Variants in NUP188 observed in about 807,000 individuals in gnomAD.
The protein encoded by NUP188 is nucleoporin NUP188.
A neutral mutation model predicts 223.0 loss-of-function variants in NUP188; 97 were observed. The ratio of observed to expected loss-of-function variants is 0.43; its 90% confidence interval spans 0.37 to 0.51. The LOEUF (loss-of-function observed/expected upper bound fraction) is 0.51, where lower values mean the gene tolerates loss of function less well. NUP188 is among the 20% of genes least tolerant of loss of function. The pLI is 0.00. For synonymous variants in NUP188, 869 were observed against 828.0 expected (o/e 1.05, Z -0.85); for missense variants, 1,947 against 2,175.6 (o/e 0.89, Z 2.09).
intron 7 of NUP188, 58 bp from the exon 8 acceptor site, chr9:128,958,957 T>A (rs1216459350): frequency 7.1e-7 from 1 of 1,408,306 alleles, no homozygotes; most frequent in Non-Finnish European, 9.6e-7. Context: ...TTTATTAATA[T>A]TTATTTGAAT....
intron 4 of NUP188, 36 bp from the exon 5 acceptor site, chr9:128,956,916 C>G (rs1841879046): frequency 8.9e-6 from 13 of 1,465,704 alleles, no homozygotes; most frequent in Non-Finnish European, 1.1e-5. Flanking sequence ...TGTGCGATTT[C>G]TGAGCTGTTC....
In NUP188 at chr9:128,982,945, C is replaced by T. The variant is rs151100462; in HGVS notation, c.1713C>T (p.Leu571=). The change falls in exon 17 of 44, where the codon CTC becomes CTT. Residue 571 remains leucine (L), a synonymous_variant. Transcript: ENST00000372577. The part of the protein sequence containing the change: ...HCQRVKPIID[L]VHKVISTDLS... ...AGCGAGTCAAACCCATCATTGATCT[C>T]GTCCATAAGGTCATCAGTACAGACC... 39 of 1,614,146 alleles carry T rather than the reference C, an allele frequency of 2.4e-5. No individual in the cohort carries two copies. Among genetic ancestry groups the T allele is most frequent in the Middle Eastern group, 1.6e-4 (1 of 6,062 alleles).
intron 8 of NUP188, among the ~76,000 whole-genome samples, chr9:128,966,128 CGTGTGT>C (rs34851120): frequency 0.06 from 8,263 of 136,660 alleles, 289 homozygotes; most frequent in African/African-American, 0.12. Flanking sequence ...TTTCTGCCTC[CGTGTGT>C]GTGTGTGTGT....
chr9:128,964,133 C>T, intron 8 of NUP188: 1 of 218,702 alleles, frequency 4.6e-6, no homozygotes, highest in Non-Finnish European at 9.3e-6. Flanking sequence ...TTTTAATTTG[C>T]ATTTCCCTGA....
intron 2 of NUP188, among the ~76,000 whole-genome samples, 181 bp from the exon 3 acceptor site, chr9:128,952,592 T>A (rs2131136922): frequency 6.6e-6 from 1 of 150,536 alleles, no homozygotes; most frequent in South Asian, 2.1e-4. Context: ...GTGTGGTGGC[T>A]GGCACCTGTA....
At position 129,006,724 on chromosome 9, in the gene NUP188, G is replaced by A. The variant is rs1195667626; in HGVS notation, c.*46G>A. 6.4e-7 allele frequency: 1 copy of A among 1,557,448 alleles called. No individual in the cohort carries two copies. Among genetic ancestry groups the A allele is most frequent in the Non-Finnish European group, 8.7e-7 (1 of 1,155,376 alleles). On this transcript the variant is annotated 3_prime_UTR_variant, in exon 44 of 44. Transcript: ENST00000372577. ...CTACCCCTCTCCACCAGCCTACACT[G>A]CACCCTGGCTGGCAGGGGTGCTGCT...
In NUP188 at chr9:129,006,510, G is replaced by A. The variant is rs1312269357; in HGVS notation, c.5082G>A (p.Leu1694=). 2.5e-6 allele frequency: 4 copies of A among 1,613,460 alleles called. No homozygotes were observed. Among genetic ancestry groups the A allele is most frequent in the Admixed American group, 3.3e-5 (2 of 59,886 alleles). The part of the protein sequence containing the change: ...KQELSSELST[L]LSSLSRYFRR... ...CACTTTTTTTCTTGTAGAGCACGCT[G>A]CTGTCCAGCCTCTCGCGCTACTTCC... is the stretch of plus-strand genomic sequence containing the variant. Residue 1694 remains leucine, a synonymous_variant, in exon 44 of 44, where the codon CTG becomes CTA. Coordinates refer to ENST00000372577, the MANE Select transcript of NUP188 (RefSeq NM_015354.3).
chr9:128,993,798 A>T, intron 27 of NUP188, 104 bp downstream of exon 27: 1 of 1,021,562 alleles, frequency 9.8e-7, no homozygotes, highest in Non-Finnish European at 1.5e-6. Context: ...TGGGAATAAG[A>T]GTGCTTAGTC....
chr9:128,988,735 T>A (rs1230454025), intron 24 of NUP188, among the ~76,000 whole-genome samples: 2 of 130,542 alleles, frequency 1.5e-5, no homozygotes, highest in African/African-American at 6.3e-5. Context: ...TTTTTTTTTT[T>A]TTTTTTTTTT....
At position 128,956,351 on chromosome 9, in the gene NUP188, C is replaced by A. The variant is rs1375706464; in HGVS notation, c.163C>A (p.Pro55Thr). 2 of 1,556,598 alleles carry A rather than the reference C, an allele frequency of 1.3e-6. No individual in the cohort carries two copies. The highest frequency in any genetic ancestry group is 2.5e-5 in the South Asian group (2 of 81,554). ...EGLSYYKPPS[P>T]SSAEKVKANK... ...AATGATTCACTGTTCTTTTTGTAGT[C>A]CAAGTTCAGCTGAAAAAGTGAAAGC... Residue 55 changes from proline (P) to threonine (T), a missense_variant and splice_region_variant, in exon 4 of 44, where the codon CCA becomes ACA. Coordinates refer to ENST00000372577, the MANE Select transcript of NUP188 (RefSeq NM_015354.3).
At chr9:128,973,275 G>A in intron 12 of NUP188, 26 bp downstream of exon 12, 2 of 1,559,040 alleles carry the variant, frequency 1.3e-6, no homozygotes, top group African/African-American at 1.4e-5. Context: ...TCATGAAGCT[G>A]TCTCTACTGC....
chr9:128,962,107 G>A (rs1841963684), intron 8 of NUP188, among the ~76,000 whole-genome samples: 1 of 150,846 alleles, frequency 6.6e-6, no homozygotes, highest in Non-Finnish European at 1.5e-5. Flanking sequence ...AGCTAATTTT[G>A]TATTTTGAGT....
chr9:128,961,590 C>CTAGATAGATAGATAGA lies in NUP188; in HGVS notation c.585+2474_585+2489dup, dbSNP rs547085125. On this transcript the variant is annotated intron_variant, in intron 8 of 43. Transcript: ENST00000372577. ...TCTATATCTATATCTATCTATCTAT[C>CTAGATAGATAGATAGA]TAGATAGATAGATAGATAGATAGAT... Among the ~76,000 whole-genome samples the CTAGATAGATAGATAGA allele has an allele frequency of 9.7e-3, 1,338 of 138,078 alleles. 28 individuals are homozygous for CTAGATAGATAGATAGA. Among genetic ancestry groups the CTAGATAGATAGATAGA allele is most frequent in the African/African-American group, 0.034 (1,151 of 33,770 alleles). The allele number at this position is 138,078 out of a possible 152,430, so 90.6% of individuals were successfully genotyped here. A position where few individuals can be genotyped will look rare whatever the true frequency, so the allele number is the denominator to read the frequency against.
intron 1 of NUP188, chr9:128,948,705 T>C (rs1841728663): frequency 7.5e-6 from 1 of 132,880 alleles, no homozygotes; most frequent in African/African-American, 2.8e-5. Flanking sequence ...AGCAGTGTTT[T>C]CCCCACTTTT....
intron 8 of NUP188, among the ~76,000 whole-genome samples, chr9:128,965,040 T>G (rs1419707340): frequency 6.6e-6 from 1 of 152,180 alleles, no homozygotes; most frequent in Admixed American, 6.6e-5. Context: ...TTTTGTCAGT[T>G]TTGTCTATTA....
At position 129,003,471 on chromosome 9, in the gene NUP188, GT is replaced by G. The variant is rs1490847670; in HGVS notation, c.4434+18del. 1 of 1,605,826 alleles carries G rather than the reference GT, an allele frequency of 6.2e-7. No homozygotes were observed. Among genetic ancestry groups the G allele is most frequent in the African/African-American group, 1.3e-5 (1 of 75,046 alleles). ...GATATCCAGGTGGGGGCCCAAGATG[GT>G]GTCTTGGAGTCTGGGGTAATGCTTG... is the stretch of plus-strand genomic sequence containing the variant. On this transcript the variant is annotated intron_variant, in intron 38 of 43. Coordinates refer to ENST00000372577, the MANE Select transcript of NUP188 (RefSeq NM_015354.3).
intron 3 of NUP188, among the ~76,000 whole-genome samples, chr9:128,955,846 T>C (rs1473096530): frequency 1.3e-5 from 2 of 152,014 alleles, no homozygotes; most frequent in Non-Finnish European, 2.9e-5. Flanking sequence ...CCTCCTGCTG[T>C]TGGAGTATTA....
intron 22 of NUP188, among the ~76,000 whole-genome samples, chr9:128,987,086 AGAGTGTGTGTGTGTGTGTGT>A (rs1842345643): frequency 7.8e-6 from 1 of 128,500 alleles, no homozygotes; most frequent in Non-Finnish European, 1.6e-5. Flanking sequence ...AGAGAGAGAG[AGAGTGTGTGTGTGTGTGTGT>A]GTGTGTGTGT....
At chr9:128,978,316 C>T (rs896275287) in intron 12 of NUP188, among the ~76,000 whole-genome samples, 6 of 152,034 alleles carry the variant, frequency 3.9e-5, no homozygotes, top group African/African-American at 1.4e-4. Context: ...GTAATCCCAG[C>T]ACTTTGGGAG....
Sources: gnomAD v4.1 joint callset for allele counts (sites outside exome capture counted in the v4.1 genomes callset) on GRCh38, gnomAD v4.1.1 for gene constraint, MANE v1.5 for transcripts, NCBI Gene and HGNC (gene_info 2026-07-23, HGNC 2026-07-21) for gene names.